FARP1: variants seen among roughly 807,000 people sequenced by gnomAD.
FARP1 encodes the protein FERM, ARHGEF and pleckstrin domain-containing protein 1.
In FARP1, 52 loss-of-function variants were observed where a neutral mutation model predicts 128.8. The observed-to-expected ratio is 0.40, with a 90% CI of 0.32 to 0.51. The LOEUF is 0.51. FARP1 is among the 20% of genes least tolerant of loss of function. The probability of loss-of-function intolerance (pLI) is 0.45; values close to 1 mark genes in which losing one functional copy is unlikely to be tolerated. For synonymous variants in FARP1, 580 were observed against 551.8 expected (o/e 1.05, Z -0.72); for missense variants, 1,333 against 1,367.9 (o/e 0.97, Z 0.40).
chr13:98,258,940 G>C (rs1883741195), intron 2 of FARP1, among the ~76,000 whole-genome samples: 1 of 152,136 alleles, frequency 6.6e-6, no homozygotes, highest in African/African-American at 2.4e-5. Context: ...GGGCCTGGTG[G>C]CTCACGCCTG....
At chr13:98,144,009 C>T (rs570607037) in intron 1 of FARP1, among the ~76,000 whole-genome samples, 26 of 152,300 alleles carry the variant, frequency 1.7e-4, no homozygotes, top group Middle Eastern at 3.4e-3. Context: ...GGAACACACC[C>T]TCTGCCCAAG....
At chr13:98,190,707 G>C (rs1194152157) in intron 1 of FARP1, among the ~76,000 whole-genome samples, 1 of 151,206 alleles carries the variant, frequency 6.6e-6, no homozygotes, top group Non-Finnish European at 1.5e-5. Flanking sequence ...GACTATAGGT[G>C]CATGCCACCA....
rs1276661455 is a variant in FARP1 at position 98,176,937 on chromosome 13, C to G, written c.-24+33445C>G. The G allele has an allele frequency of 6.2e-7, 1 of 1,602,996 alleles. No individual in the cohort carries two copies. The highest frequency in any genetic ancestry group is 8.5e-7 in the Non-Finnish European group (1 of 1,179,896). On this transcript the variant is annotated intron_variant, in intron 1 of 26. Transcript: ENST00000319562. This position sits in a 1 kb window ranked among gnomAD's most constrained non-coding sequence, Gnocchi z 6.2. ...CCATGTCCTCTGGCCCCACAGGCTTCGCCGAGCGGGTGGACCTGTACACCA... is the reference window on the plus strand; with the variant it reads ...CCATGTCCTCTGGCCCCACAGGCTTGGCCGAGCGGGTGGACCTGTACACCA...
intron 2 of FARP1, among the ~76,000 whole-genome samples, chr13:98,271,654 G>T (rs891951194): frequency 5.3e-5 from 8 of 152,136 alleles, no homozygotes; most frequent in Non-Finnish European, 1.0e-4. Flanking sequence ...GAGTGAGAAC[G>T]TGTGGTGTTT....
chr13:98,347,254 A>G (rs1426496148), intron 3 of FARP1, among the ~76,000 whole-genome samples: 5 of 152,038 alleles, frequency 3.3e-5, no homozygotes, highest in African/African-American at 1.2e-4. Context: ...CGTAGTTATT[A>G]TTTTTTTAAT....
rs150753036 is a variant in FARP1 at position 98,440,019 on chromosome 13, G to A, written c.2492G>A (p.Arg831Gln). The change falls in exon 22 of 27, where the codon CGG becomes CAG. Residue 831 changes from arginine (R) to glutamine (Q), a missense_variant. By Grantham distance (43) the Arg-to-Gln change is conservative (BLOSUM62 1). Coordinates refer to ENST00000319562, the MANE Select transcript of FARP1 (RefSeq NM_005766.4). ...CACTGCCTGACCCTCCGGGGCCAGCGGCAGTCCATCATCGTGGCCGCCAGG... is the reference window on the plus strand; with the variant it reads ...CACTGCCTGACCCTCCGGGGCCAGCAGCAGTCCATCATCGTGGCCGCCAGG... ...VPHCLTLRGQ[R>Q]QSIIVAASSR... The A allele has an allele frequency of 3.7e-5, 60 of 1,604,840 alleles. No homozygotes were observed. The highest frequency in any genetic ancestry group is 3.2e-4 in the African/African-American group (24 of 74,802).
intron 2 of FARP1, among the ~76,000 whole-genome samples, chr13:98,242,825 A>C (rs1453514592): frequency 1.3e-5 from 2 of 152,248 alleles, no homozygotes; most frequent in Admixed American, 1.3e-4. Flanking sequence ...TTGGAAGAGA[A>C]TAAGATTTTA....
Position 98,395,250 on chromosome 13 carries a change from A to G in FARP1, c.1188A>G (p.Thr396=), listed in dbSNP as rs146470728. ...LEQSQQSTSL[T]FGEGAESPGG... Reference sequence around the variant, plus strand: ...AGTCTCAGCAGAGCACCAGCCTTACATTTGGAGAAGGTGCCGAATCTCCAG... The same window carrying G: ...AGTCTCAGCAGAGCACCAGCCTTACGTTTGGAGAAGGTGCCGAATCTCCAG... Residue 396 remains threonine (T), a synonymous_variant, in exon 13 of 27, where the codon ACA becomes ACG. Transcript: ENST00000319562. The G allele has an allele frequency of 5.0e-6, 8 of 1,603,618 alleles. No individual in the cohort carries two copies. In the African/African-American group the frequency reaches 6.7e-5, roughly 13 times the overall value.
intron 13 of FARP1, among the ~76,000 whole-genome samples, chr13:98,408,621 G>A (rs1055345822): frequency 2.0e-5 from 3 of 152,160 alleles, no homozygotes; most frequent in Non-Finnish European, 2.9e-5. Context: ...GAGCCACTGC[G>A]CCTGGCCACA....
Position 98,388,381 on chromosome 13 carries a change from A to C in FARP1, c.760-2A>C. The stretch of plus-strand genomic sequence containing the variant: ...GCTCACTGCTACTGTCTTTCTTTTT[A>C]GGGTTTCACTAAGATCAATGCCTTC... On this transcript the variant is annotated splice_acceptor_variant, in intron 8 of 26. Transcript: ENST00000319562. LOFTEE classifies it high-confidence loss of function. 1.2e-6 allele frequency: 2 copies of C among 1,611,742 alleles called. No individual in the cohort carries two copies. The highest frequency in any genetic ancestry group is 1.7e-6 in the Non-Finnish European group (2 of 1,177,842).
intron 8 of FARP1, among the ~76,000 whole-genome samples, chr13:98,386,983 C>T (rs142111166): frequency 4.6e-5 from 7 of 152,216 alleles, no homozygotes; most frequent in East Asian, 1.9e-4. Flanking sequence ...TTGACCTGCA[C>T]GCATAGCCTC....
chr13:98,381,276 T>C (rs952167045), intron 6 of FARP1, among the ~76,000 whole-genome samples: 8 of 152,224 alleles, frequency 5.3e-5, no homozygotes, highest in Non-Finnish European at 1.0e-4. Flanking sequence ...ATTTCAATTA[T>C]TGGTGATTAT....
At chr13:98,447,508 G>A in intron 26 of FARP1, 1 of 152,486 alleles carries the variant, frequency 6.6e-6, no homozygotes, top group Non-Finnish European at 1.5e-5. Flanking sequence ...CTGGGACAAG[G>A]CCAGGTAATT....
chr13:98,327,906 T>C (rs1887303143), intron 2 of FARP1, among the ~76,000 whole-genome samples: 1 of 151,300 alleles, frequency 6.6e-6, no homozygotes, highest in Admixed American at 6.6e-5. Flanking sequence ...TTATGCTGAA[T>C]GGGGTGGGTA....
chr13:98,324,821 G>T, intron 2 of FARP1, among the ~76,000 whole-genome samples: 1 of 152,186 alleles, frequency 6.6e-6, no homozygotes, highest in East Asian at 1.9e-4. Flanking sequence ...GGGGTCTTTG[G>T]CTGCTGCATT....
intron 11 of FARP1, among the ~76,000 whole-genome samples, chr13:98,392,174 C>T (rs1890328431): frequency 6.6e-6 from 1 of 151,978 alleles, no homozygotes; most frequent in African/African-American, 2.4e-5. Flanking sequence ...ATTACTGCAT[C>T]CCAAAAGAGT....
intron 2 of FARP1, among the ~76,000 whole-genome samples, chr13:98,214,872 G>A (rs148515253): frequency 1.6e-4 from 25 of 152,316 alleles, no homozygotes; most frequent in African/African-American, 4.6e-4. Context: ...CACGTGGTCC[G>A]TATGTGCGCC....
At chr13:98,431,476 T>C in intron 18 of FARP1, 196 bp downstream of exon 18, 1 of 517,014 alleles carries the variant, frequency 1.9e-6, no homozygotes, top group South Asian at 2.5e-5. Flanking sequence ...TTTTTTTTTT[T>C]TTTGAGACTG....
chr13:98,185,250 T>C (rs9554445), intron 1 of FARP1, among the ~76,000 whole-genome samples: 16,289 of 152,224 alleles, frequency 0.11, 1,762 homozygotes, highest in East Asian at 0.57. Context: ...TAAAAATTCC[T>C]GAAAATTTAA....
Sources: gnomAD v4.1 joint callset for allele counts (sites outside exome capture counted in the v4.1 genomes callset) on GRCh38, gnomAD v4.1.1 for gene constraint, Gnocchi (gnomAD v3.1) non-coding constraint, MANE v1.5 for transcripts, NCBI Gene and HGNC (gene_info 2026-07-23, HGNC 2026-07-21) for gene names.